CCDC81: variants seen among roughly 807,000 people sequenced by gnomAD.
The protein encoded by CCDC81 is coiled-coil domain-containing protein 81.
CCDC81 carries 79 observed loss-of-function variants against 83.7 expected under a neutral mutation model. The ratio of observed to expected loss-of-function variants is 0.94; its 90% CI spans 0.79 to 1.14. The LOEUF (loss-of-function observed/expected upper bound fraction) is 1.14, where lower values mean the gene tolerates loss of function less well. CCDC81 is among the 50% of genes most tolerant of loss of function. CCDC81 has a pLI of 0.00. For missense variants in CCDC81, 791 were observed against 778.1 expected, an observed-to-expected ratio of 1.02 and a Z score of -0.20; for synonymous variants, 252 against 278.1, an observed-to-expected ratio of 0.91 and a Z score of 0.93.
intron 14 of CCDC81, among the ~76,000 whole-genome samples, chr11:86,421,378 C>T (rs1480599629): frequency 1.3e-5 from 2 of 151,958 alleles, no homozygotes; most frequent in Non-Finnish European, 1.5e-5. Context: ...GGCGCGATCT[C>T]GGCTCACTGC....
intron 3 of CCDC81, among the ~76,000 whole-genome samples, chr11:86,390,559 C>T (rs1002450260): frequency 1.3e-5 from 2 of 152,104 alleles, no homozygotes; most frequent in Non-Finnish European, 2.9e-5. Context: ...CTTTCAGTTA[C>T]AGTAGTTTGG....
At chr11:86,390,277 T>C (rs1948308265) in intron 3 of CCDC81, among the ~76,000 whole-genome samples, 1 of 152,166 alleles carries the variant, frequency 6.6e-6, no homozygotes, top group African/African-American at 2.4e-5. Context: ...GCAGAGAATC[T>C]GTTGGAAGAT....
intron 3 of CCDC81, among the ~76,000 whole-genome samples, chr11:86,391,222 T>TA (rs1322293946): frequency 6.6e-6 from 1 of 152,118 alleles, no homozygotes; most frequent in Non-Finnish European, 1.5e-5. Flanking sequence ...GTATTTTTTT[T>TA]AAAAATGGAG....
chr11:86,408,701 C>T (rs923026231), intron 9 of CCDC81, among the ~76,000 whole-genome samples: 3 of 152,148 alleles, frequency 2.0e-5, no homozygotes, highest in African/African-American at 7.2e-5. Flanking sequence ...TATCTAATCA[C>T]GTATTTACTG....
intron 7 of CCDC81, among the ~76,000 whole-genome samples, chr11:86,403,661 A>G (rs537877479): frequency 6.6e-6 from 1 of 152,286 alleles, no homozygotes; most frequent in South Asian, 2.1e-4. Flanking sequence ...GAGCATATCA[A>G]AGGCTGAGAG....
chr11:86,403,284 C>T (rs967439541), intron 7 of CCDC81, among the ~76,000 whole-genome samples: 1 of 152,010 alleles, frequency 6.6e-6, no homozygotes, highest in Non-Finnish European at 1.5e-5. Flanking sequence ...ATAAAGAGAA[C>T]TTCATATATC....
At chr11:86,403,508 A>G (rs1296860145) in intron 7 of CCDC81, among the ~76,000 whole-genome samples, 1 of 152,190 alleles carries the variant, frequency 6.6e-6, no homozygotes, top group East Asian at 1.9e-4. Flanking sequence ...TTAGAAGAGT[A>G]AAGAATGATT....
At chr11:86,383,494 A>G (rs939480452) in intron 1 of CCDC81, among the ~76,000 whole-genome samples, 2 of 152,210 alleles carry the variant, frequency 1.3e-5, no homozygotes, top group Non-Finnish European at 2.9e-5. Context: ...GTGTTTAAAC[A>G]TATGGTTTTG....
At chr11:86,390,800 G>C (rs1374363364) in intron 3 of CCDC81, among the ~76,000 whole-genome samples, 1 of 152,152 alleles carries the variant, frequency 6.6e-6, no homozygotes, top group Non-Finnish European at 1.5e-5. Flanking sequence ...AAGGGGAAAG[G>C]TGGATTTCGG....
At chr11:86,411,626 T>C (rs1247758715) in intron 10 of CCDC81, among the ~76,000 whole-genome samples, 2 of 152,160 alleles carry the variant, frequency 1.3e-5, no homozygotes, top group Non-Finnish European at 2.9e-5. Context: ...CCTTGCATGA[T>C]TTCGCATGCA....
intron 7 of CCDC81, among the ~76,000 whole-genome samples, chr11:86,406,579 G>T (rs1435641287): frequency 1.3e-5 from 2 of 152,064 alleles, no homozygotes; most frequent in Non-Finnish European, 2.9e-5. Flanking sequence ...GGCCGAGGTG[G>T]GCAGACCACT....
At chr11:86,382,853 C>T (rs749858463) in intron 1 of CCDC81, among the ~76,000 whole-genome samples, 9 of 152,052 alleles carry the variant, frequency 5.9e-5, no homozygotes, top group African/African-American at 1.7e-4. Flanking sequence ...GGTGCTTAAA[C>T]GGGGAGGGAG....
intron 9 of CCDC81, among the ~76,000 whole-genome samples, 165 bp from the exon 10 acceptor site, chr11:86,409,096 C>G (rs1210160122): frequency 2.0e-5 from 3 of 152,156 alleles, no homozygotes; most frequent in Non-Finnish European, 2.9e-5. Flanking sequence ...TCCCAATCTA[C>G]TTTTATAAAT....
At chr11:86,407,395 T>G (rs1948578052) in intron 7 of CCDC81, among the ~76,000 whole-genome samples, 1 of 152,234 alleles carries the variant, frequency 6.6e-6, no homozygotes, top group African/African-American at 2.4e-5. Flanking sequence ...GCTGGTCTGA[T>G]GTCAGTCATC....
At chr11:86,397,764 C>A (rs2138517226) in intron 6 of CCDC81, 22 bp downstream of exon 6, 1 of 1,606,600 alleles carries the variant, frequency 6.2e-7, no homozygotes, top group South Asian at 1.1e-5. Flanking sequence ...ATTTCTGGGT[C>A]CAATCTGTCA....
chr11:86,403,641 A>G (rs1243976762), intron 7 of CCDC81, among the ~76,000 whole-genome samples: 1 of 152,224 alleles, frequency 6.6e-6, no homozygotes, highest in East Asian at 1.9e-4. Flanking sequence ...AAGGCCTCAG[A>G]GGGCCTTAAG....
At chr11:86,421,455 G>A (rs1202273321) in intron 14 of CCDC81, among the ~76,000 whole-genome samples, 2 of 152,104 alleles carry the variant, frequency 1.3e-5, no homozygotes, top group Non-Finnish European at 2.9e-5. Flanking sequence ...GGCTACAGGC[G>A]CCTGCCACCA....
In CCDC81 at chr11:86,414,606, C is replaced by T. The variant is rs115671672; in HGVS notation, c.1392-183C>T. The T allele has an allele frequency of 1.3e-3, 715 of 561,906 alleles. 6 individuals carry two copies. Among genetic ancestry groups the T allele is most frequent in the African/African-American group, 0.012 (610 of 52,456 alleles). The allele number at this position is 561,906 out of a possible 1,614,324, so 34.8% of individuals were successfully genotyped here. On this transcript the variant is annotated intron_variant, in intron 11 of 14. Coordinates refer to ENST00000445632, the MANE Select transcript of CCDC81 (RefSeq NM_001156474.2). Reference sequence around the variant, plus strand: ...ACACACATGAGCCACTGTGCCTGGCCGCCTATGGATTTGAATTACTCTTTT... The same window carrying T: ...ACACACATGAGCCACTGTGCCTGGCTGCCTATGGATTTGAATTACTCTTTT...
At chr11:86,408,005 C>G in intron 8 of CCDC81, 122 bp from the exon 9 acceptor site, 1 of 937,296 alleles carries the variant, frequency 1.1e-6, no homozygotes, top group Non-Finnish European at 1.6e-6. Context: ...TTTGCTGTCA[C>G]TAATATATCC....
Sources: gnomAD v4.1 joint callset for allele counts (sites outside exome capture counted in the v4.1 genomes callset) on GRCh38, gnomAD v4.1.1 for gene constraint, MANE v1.5 for transcripts, NCBI Gene and HGNC (gene_info 2026-07-23, HGNC 2026-07-21) for gene names.